Variants in ZCCHC14 observed in about 807,000 individuals in gnomAD.
ZCCHC14 encodes zinc finger CCHC-type containing 14, also known as zinc finger CCHC domain-containing protein 14.
A neutral mutation model predicts 85.0 loss-of-function variants in ZCCHC14; 16 were observed. The observed-to-expected ratio is 0.19, with a 90% CI of 0.13 to 0.29. The LOEUF (loss-of-function observed/expected upper bound fraction) is 0.29, where lower values mean the gene tolerates loss of function less well. Among genes scored for constraint, ZCCHC14 ranks in the 10% least tolerant of loss-of-function variants. The pLI, the probability that ZCCHC14 is intolerant of heterozygous loss-of-function variation, is 1.00. For synonymous variants in ZCCHC14, 775 were observed against 630.7 expected, an observed-to-expected ratio of 1.23 and a Z score of -3.43; for missense variants, 1,303 against 1,443.5, an observed-to-expected ratio of 0.90 and a Z score of 1.58.
At chr16:87,417,799 T>C (rs73238678) in intron 7 of ZCCHC14, 57 bp from the exon 8 acceptor site, 3 of 1,494,512 alleles carry the variant, frequency 2.0e-6, no homozygotes, top group Non-Finnish European at 2.7e-6. Flanking sequence ...AACCACAGAC[T>C]CCACCACAGA....
chr16:87,492,763 G>C lies in ZCCHC14; in HGVS notation c.-525C>G, dbSNP rs1912833400. On this transcript the variant is annotated 5_prime_UTR_variant, in exon 1 of 13. Coordinates refer to ENST00000671377, the MANE Select transcript of ZCCHC14 (RefSeq NM_015144.3). The surrounding 1 kb of genome is among the most constrained non-coding windows in gnomAD (Gnocchi z 6.7). The stretch of plus-strand genomic sequence containing the variant: ...GCCGTTACCCCGGGCCGCGGGCGCG[G>C]CGTCGCCGCCTGGGGAGCGCTGGGG... 1 of 146,752 alleles carries C rather than the reference G, an allele frequency of 6.8e-6. No individual in the cohort carries two copies. Among genetic ancestry groups the C allele is most frequent in the African/African-American group, 2.4e-5 (1 of 40,876 alleles). The allele number at this position is 146,752 out of a possible 1,614,324, so 9.1% of individuals were successfully genotyped here.
intron 2 of ZCCHC14, among the ~76,000 whole-genome samples, chr16:87,451,023 C>T (rs1597430523): frequency 6.6e-6 from 1 of 152,002 alleles, no homozygotes; most frequent in African/African-American, 2.4e-5. Context: ...CTTAGCCTCC[C>T]GAGTAGGTGG....
intron 1 of ZCCHC14, among the ~76,000 whole-genome samples, chr16:87,483,519 G>T (rs1193455201): frequency 2.6e-5 from 4 of 151,526 alleles, no homozygotes; most frequent in Non-Finnish European, 5.9e-5. Flanking sequence ...AAAAAGAAAA[G>T]ACCAACAACT....
chr16:87,437,499 C>T (rs1359342341), intron 2 of ZCCHC14, among the ~76,000 whole-genome samples: 3 of 152,160 alleles, frequency 2.0e-5, no homozygotes, highest in Admixed American at 1.3e-4. Context: ...GGCCACAGCG[C>T]GTGGCAGCCA....
chr16:87,418,993 G>A (rs111774137), intron 6 of ZCCHC14, 92 bp from the exon 7 acceptor site: 46,408 of 1,238,736 alleles, frequency 0.037, 1,347 homozygotes, highest in African/African-American at 0.12. Flanking sequence ...TTTTGCTCTT[G>A]TTGCCCAGGC....
rs1392338825 is a variant in ZCCHC14 at position 87,492,252 on chromosome 16, C to A, written c.-14G>T. ...CTTCTCCACCATGCTGCCGCCCGCG[C>A]CGCGCCGCGACCCGGGGCCGGGGAC... is the stretch of plus-strand genomic sequence containing the variant. On this transcript the variant is annotated 5_prime_UTR_variant, in exon 1 of 13. Coordinates refer to ENST00000671377, the MANE Select transcript of ZCCHC14 (RefSeq NM_015144.3). The surrounding 1 kb of genome is among the most constrained non-coding windows in gnomAD (Gnocchi z 6.7). 1 of 981,634 alleles carries A rather than the reference C, an allele frequency of 1.0e-6. No individual in the cohort carries two copies. Among genetic ancestry groups the A allele is most frequent in the Non-Finnish European group, 1.2e-6 (1 of 828,728 alleles). 60.8% of individuals were successfully genotyped at this position (981,634 alleles called of 1,614,324 possible).
At chr16:87,451,290 G>A (rs1470422507) in intron 2 of ZCCHC14, among the ~76,000 whole-genome samples, 3 of 150,744 alleles carry the variant, frequency 2.0e-5, no homozygotes, top group African/African-American at 2.4e-5. Context: ...TTCGCCTCCC[G>A]GGTTCAAGCA....
intron 1 of ZCCHC14, among the ~76,000 whole-genome samples, chr16:87,462,020 C>T (rs1198167628): frequency 2.0e-5 from 3 of 151,872 alleles, no homozygotes; most frequent in African/African-American, 7.3e-5. Flanking sequence ...ATAATCCCAG[C>T]ACTTTGGGAG....
chr16:87,449,558 A>T (rs891710230), intron 2 of ZCCHC14, among the ~76,000 whole-genome samples: 4 of 152,160 alleles, frequency 2.6e-5, no homozygotes, highest in African/African-American at 9.7e-5. Context: ...CTTTAGGTCA[A>T]CAGAGACCTA....
At chr16:87,469,429 T>C (rs1911679032) in intron 1 of ZCCHC14, among the ~76,000 whole-genome samples, 1 of 152,078 alleles carries the variant, frequency 6.6e-6, no homozygotes, top group Admixed American at 6.5e-5. Context: ...ACTACAGAGG[T>C]CTGTGATTTG....
At position 87,418,907 on chromosome 16, in the gene ZCCHC14, A is replaced by C; in HGVS notation, c.1046-6T>G. On this transcript the variant is annotated splice_polypyrimidine_tract_variant and splice_region_variant and intron_variant, in intron 6 of 12. Coordinates refer to ENST00000671377, the MANE Select transcript of ZCCHC14 (RefSeq NM_015144.3). ...AAGGGAGGGATTGCCAGGACCTATA[A>C]ATTTAAAAATAAATACCATAAAAAT... 1 of 1,602,746 alleles carries C rather than the reference A, an allele frequency of 6.2e-7. No individual in the cohort carries two copies. The highest frequency in any genetic ancestry group is 8.5e-7 in the Non-Finnish European group (1 of 1,173,144).
Position 87,492,284 on chromosome 16 carries a change from G to A in ZCCHC14, c.-46C>T. On this transcript the variant is annotated 5_prime_UTR_variant, in exon 1 of 13. Coordinates refer to ENST00000671377, the MANE Select transcript of ZCCHC14 (RefSeq NM_015144.3). This position sits in a 1 kb window ranked among gnomAD's most constrained non-coding sequence, Gnocchi z 6.7. ...GCGACCCGGGGCCGGGGACCGCGCG[G>A]GGGCGGCCGGGGGGCGCCGGGGGCC... The A allele has an allele frequency of 1.0e-6, 1 of 970,688 alleles. No homozygotes were observed. Among genetic ancestry groups the A allele is most frequent in the South Asian group, 4.8e-5 (1 of 21,042 alleles). 60.1% of individuals were successfully genotyped at this position (970,688 alleles called of 1,614,324 possible).
intron 2 of ZCCHC14, among the ~76,000 whole-genome samples, chr16:87,434,044 G>A (rs1909792199): frequency 6.6e-6 from 1 of 152,182 alleles, no homozygotes; most frequent in Non-Finnish European, 1.5e-5. Flanking sequence ...GCACCGTCTG[G>A]GAGCAGAGCC....
chr16:87,482,113 G>T (rs1436984736), intron 1 of ZCCHC14, among the ~76,000 whole-genome samples: 1 of 152,166 alleles, frequency 6.6e-6, no homozygotes, highest in Admixed American at 6.5e-5. Context: ...CCGCACTGGG[G>T]ATTAAGTTTC....
chr16:87,460,241 A>G (rs1311997066), intron 1 of ZCCHC14, 110 bp from the exon 2 acceptor site: 1 of 1,374,420 alleles, frequency 7.3e-7, no homozygotes, highest in Admixed American at 2.3e-5. Flanking sequence ...ATTTTTCTAC[A>G]AAACATGTAT....
In ZCCHC14 at chr16:87,409,899, TG is replaced by T. The variant is rs1253557111; in HGVS notation, c.*380del. 3 of 169,594 alleles carry T rather than the reference TG, an allele frequency of 1.8e-5. No homozygotes were observed. The highest frequency in any genetic ancestry group is 2.5e-5 in the Non-Finnish European group (2 of 79,528). The allele number at this position is 169,594 out of a possible 1,614,324, so 10.5% of individuals were successfully genotyped here. A position where few individuals can be genotyped will look rare whatever the true frequency, so the allele number is the denominator to read the frequency against. On this transcript the variant is annotated 3_prime_UTR_variant, in exon 13 of 13. Transcript: ENST00000671377. ...GGAGTCCGGCGGGTGGAACTCCACT[TG>T]GAGAACTCCAAGCTCGGTTCTCGAT...
At chr16:87,472,383 C>T (rs965437077) in intron 1 of ZCCHC14, 9 of 152,342 alleles carry the variant, frequency 5.9e-5, no homozygotes, top group Middle Eastern at 3.1e-3. Flanking sequence ...AAACAGCAAG[C>T]GCCCATTCCA....
intron 7 of ZCCHC14, among the ~76,000 whole-genome samples, chr16:87,418,289 G>A (rs1373873105): frequency 6.6e-6 from 1 of 152,190 alleles, no homozygotes; most frequent in African/African-American, 2.4e-5. Context: ...ACTCCACTCT[G>A]GCCTTGCTCC....
chr16:87,423,909 TAGAAAC>T (rs767242407), intron 3 of ZCCHC14, 28 bp from the exon 4 acceptor site: 2 of 1,608,648 alleles, frequency 1.2e-6, no homozygotes, highest in African/African-American at 1.3e-5. Context: ...AAACAAACCT[TAGAAAC>T]AGACACCACA....
Sources: gnomAD v4.1 joint callset for allele counts (sites outside exome capture counted in the v4.1 genomes callset) on GRCh38, gnomAD v4.1.1 for gene constraint, Gnocchi (gnomAD v3.1) non-coding constraint, MANE v1.5 for transcripts, NCBI Gene and HGNC (gene_info 2026-07-23, HGNC 2026-07-21) for gene names.